PRKCI: variants seen among roughly 807,000 people sequenced by gnomAD.
PRKCI encodes protein kinase C iota.
A neutral mutation model predicts 84.0 loss-of-function variants in PRKCI; 43 were observed. That is an observed-to-expected ratio of 0.51 (90% CI 0.40 to 0.66). The LOEUF is 0.66. Among genes scored for constraint, PRKCI ranks in the 30% least tolerant of loss-of-function variants. PRKCI has a pLI of 0.00. For missense variants in PRKCI, 459 were observed against 745.6 expected, an observed-to-expected ratio of 0.62 and a Z score of 4.48; for synonymous variants, 216 against 234.4, an observed-to-expected ratio of 0.92 and a Z score of 0.72.
intron 2 of PRKCI, among the ~76,000 whole-genome samples, chr3:170,239,326 T>A (rs1733059930): frequency 6.6e-6 from 1 of 152,228 alleles, no homozygotes; most frequent in South Asian, 2.1e-4. Context: ...TCTCACAATA[T>A]GTCTTCAGCC....
intron 13 of PRKCI, among the ~76,000 whole-genome samples, chr3:170,292,847 C>T (rs1577374974): frequency 1.3e-5 from 2 of 152,124 alleles, no homozygotes; most frequent in East Asian, 3.9e-4. Flanking sequence ...CGAGACCATT[C>T]TGGCTAACAT....
chr3:170,242,877 G>A (rs1490159227), intron 2 of PRKCI, among the ~76,000 whole-genome samples: 2 of 151,786 alleles, frequency 1.3e-5, no homozygotes, highest in African/African-American at 4.8e-5. Context: ...TGCAGTGTTG[G>A]CCAGGCTGGT....
chr3:170,237,652 G>C (rs369518369), intron 2 of PRKCI, among the ~76,000 whole-genome samples: 1 of 151,986 alleles, frequency 6.6e-6, no homozygotes. Flanking sequence ...TCAATATTTG[G>C]GATCATTTCT....
intron 2 of PRKCI, among the ~76,000 whole-genome samples, chr3:170,235,845 G>A (rs539292804): frequency 2.1e-4 from 32 of 151,898 alleles, no homozygotes; most frequent in Non-Finnish European, 3.8e-4. Context: ...CATTGCAGGC[G>A]TGAGCCACTG....
chr3:170,287,659 T>C (rs139348820), intron 12 of PRKCI, among the ~76,000 whole-genome samples: 150 of 151,430 alleles, frequency 9.9e-4, no homozygotes, highest in African/African-American at 3.5e-3. Flanking sequence ...ACCTGTAATC[T>C]CAGCACTTTG....
chr3:170,241,975 A>T (rs888974066), intron 2 of PRKCI, among the ~76,000 whole-genome samples: 2 of 152,102 alleles, frequency 1.3e-5, no homozygotes, highest in Non-Finnish European at 2.9e-5. Flanking sequence ...TGGGCGTGGT[A>T]GTGCATGCCT....
chr3:170,225,214 G>A (rs938299873), intron 1 of PRKCI, among the ~76,000 whole-genome samples: 1 of 152,078 alleles, frequency 6.6e-6, no homozygotes, highest in African/African-American at 2.4e-5. Flanking sequence ...GCTTTCTAAT[G>A]GTACCTTCAT....
chr3:170,264,617 TC>T (rs1733813097), intron 4 of PRKCI, among the ~76,000 whole-genome samples: 1 of 152,154 alleles, frequency 6.6e-6, no homozygotes, highest in Non-Finnish European at 1.5e-5. Flanking sequence ...ATTGCAGACT[TC>T]CTACAGTTGA....
chr3:170,279,877 A>G (rs1219799417), intron 8 of PRKCI, among the ~76,000 whole-genome samples: 1 of 152,120 alleles, frequency 6.6e-6, no homozygotes, highest in Non-Finnish European at 1.5e-5. Context: ...TGTCAGTGGT[A>G]CCCCCAATCT....
chr3:170,235,566 C>CTTTTTTTTTTTTTTTT (rs199938459), intron 2 of PRKCI, among the ~76,000 whole-genome samples: 24 of 136,230 alleles, frequency 1.8e-4, no homozygotes, highest in East Asian at 1.1e-3. Flanking sequence ...ATTAACTTGA[C>CTTTTTTTTTTTTTTTT]TTTTTTTTTT....
rs542378400 is a variant in PRKCI at position 170,252,105 on chromosome 3, T to G, written c.224-7864T>G. On this transcript the variant is annotated intron_variant, in intron 2 of 17. Coordinates refer to ENST00000295797, the MANE Select transcript of PRKCI (RefSeq NM_002740.6). The stretch of plus-strand genomic sequence containing the variant: ...GGCGTGTGCCTGTAGTCCCAGCTGC[T>G]GGGGAGGCTGAGGCAGGAAAATGGC... Among the ~76,000 whole-genome samples, 6 of 150,628 alleles carry G rather than the reference T, an allele frequency of 4.0e-5. No homozygotes were observed. The East Asian group carries it at 9.7e-4, about 24-fold the overall frequency.
chr3:170,237,197 T>C (rs1035117332), intron 2 of PRKCI, among the ~76,000 whole-genome samples: 1 of 152,214 alleles, frequency 6.6e-6, no homozygotes, highest in African/African-American at 2.4e-5. Context: ...AGTAATTCAC[T>C]GTATCTGAAG....
intron 14 of PRKCI, among the ~76,000 whole-genome samples, chr3:170,295,507 T>C (rs980218606): frequency 4.6e-5 from 7 of 151,810 alleles, no homozygotes; most frequent in African/African-American, 1.7e-4. Context: ...TGAAACCCCA[T>C]CTCTACCAAA....
chr3:170,235,661 G>T (rs1308175815), intron 2 of PRKCI, among the ~76,000 whole-genome samples: 1 of 151,378 alleles, frequency 6.6e-6, no homozygotes, highest in Admixed American at 6.6e-5. Flanking sequence ...CACCTCCCGG[G>T]TTCAAGCGAT....
intron 7 of PRKCI, among the ~76,000 whole-genome samples, chr3:170,274,042 G>A (rs1489780310): frequency 1.3e-5 from 2 of 151,612 alleles, no homozygotes; most frequent in Non-Finnish European, 2.9e-5. Flanking sequence ...CTTTTGAGAC[G>A]CCTTTAAATT....
intron 9 of PRKCI, 101 bp from the exon 10 acceptor site, chr3:170,281,065 C>G: frequency 1.2e-6 from 1 of 862,450 alleles, no homozygotes; most frequent in Non-Finnish European, 1.8e-6. Flanking sequence ...GATATTTAGC[C>G]TAGTTAACCA....
At chr3:170,245,852 T>G (rs766080285) in intron 2 of PRKCI, among the ~76,000 whole-genome samples, 5 of 152,168 alleles carry the variant, frequency 3.3e-5, no homozygotes, top group Non-Finnish European at 7.4e-5. Context: ...ACACCATGAC[T>G]CCTGGCTCAA....
chr3:170,299,634 C>G (rs1464893285), intron 17 of PRKCI, among the ~76,000 whole-genome samples: 1 of 152,220 alleles, frequency 6.6e-6, no homozygotes, highest in African/African-American at 2.4e-5. Context: ...AGTGCATTAT[C>G]TTATTTTCAC....
intron 11 of PRKCI, among the ~76,000 whole-genome samples, chr3:170,283,643 A>G (rs1368693082): frequency 6.6e-6 from 1 of 151,882 alleles, no homozygotes; most frequent in Non-Finnish European, 1.5e-5. Context: ...TGTTCAGTTG[A>G]ATGTGGGAAA....
Sources: allele counts gnomAD v4.1 joint callset (sites outside exome capture counted in the v4.1 genomes callset), GRCh38; gene constraint gnomAD v4.1.1; transcripts MANE v1.5; gene names NCBI Gene and HGNC (gene_info 2026-07-23, HGNC 2026-07-21).